Variants in GEMIN5 observed in about 807,000 individuals in gnomAD.
GEMIN5 encodes gem nuclear organelle associated protein 5.
GEMIN5 carries 124 observed loss-of-function variants against 176.9 expected under a neutral mutation model. That is an observed-to-expected ratio of 0.70 (90% CI 0.61 to 0.81). GEMIN5 has a LOEUF of 0.81. Ranked by LOEUF, GEMIN5 falls within the 40% of genes least tolerant of loss-of-function variation. GEMIN5 has a pLI of 0.00. For missense variants in GEMIN5, 1,843 were observed against 1,814.6 expected, an observed-to-expected ratio of 1.02 and a Z score of -0.28; for synonymous variants, 673 against 665.2, an observed-to-expected ratio of 1.01 and a Z score of -0.18.
At chr5:154,915,256 G>C (rs148050510) in intron 13 of GEMIN5, among the ~76,000 whole-genome samples, 1,693 of 152,186 alleles carry the variant, frequency 0.011, 22 homozygotes, top group South Asian at 0.036. Flanking sequence ...TTACACATAG[G>C]ATTCTTAGAA....
rs868028669 is a variant in GEMIN5, at chr5:154,888,240, G to GT, written c.4496dup (p.Tyr1499Ter). Residue 1499 changes from tyrosine to a stop codon, truncating the protein, a stop_gained and frameshift_variant, in exon 28 of 28, where the codon TAC (tyrosine) becomes TAAC (stop). Coordinates refer to ENST00000285873, the MANE Select transcript of GEMIN5 (RefSeq NM_015465.5). LOFTEE classifies it high-confidence loss of function. ...LLQKYGNTKTYRRHCQTFCM is the reference protein window; with the variant it reads ...LLQKYGNTKT Reference sequence around the variant, plus strand: ...TACAGAAGGTCTGGCAGTGTCTTCTGTAAGTTTTCGTGTTGCCGTATTTCT... The same window carrying GT: ...TACAGAAGGTCTGGCAGTGTCTTCTGTTAAGTTTTCGTGTTGCCGTATTTCT... The GT allele has an allele frequency of 8.7e-6, 14 of 1,614,186 alleles. No homozygotes were observed. Among genetic ancestry groups the GT allele is most frequent in the African/African-American group, 5.3e-5 (4 of 75,052 alleles).
Position 154,898,585 on chromosome 5 carries a change from G to A in GEMIN5, c.3200C>T (p.Ser1067Leu), listed in dbSNP as rs759365123. ...AGCCAACTCTGCAGCCGTTCTAAGT[G>A]ATGCCGCATCCCCCTTTTTGGCCAA... ...KVLAKKGDAA[S>L]LRTAAELAAI... Residue 1067 changes from serine (S) to leucine (L), a missense_variant, in exon 23 of 28, where the codon TCA (serine) becomes TTA (leucine). By Grantham distance (145) the Ser-to-Leu change is moderately radical. Coordinates refer to ENST00000285873, the MANE Select transcript of GEMIN5 (RefSeq NM_015465.5). 25 of 1,614,188 alleles carry A rather than the reference G, an allele frequency of 1.5e-5. No homozygotes were observed. Among genetic ancestry groups the A allele is most frequent in the Non-Finnish European group, 2.1e-5 (25 of 1,180,020 alleles).
intron 8 of GEMIN5, 107 bp downstream of exon 8, chr5:154,925,755 C>A: frequency 4.6e-6 from 3 of 651,980 alleles, no homozygotes; most frequent in Non-Finnish European, 8.1e-6. Context: ...ATTGAAAATA[C>A]TTTAAAACTT....
rs1763218043 is a variant in GEMIN5 at position 154,891,226 on chromosome 5, T to C, written c.4262+15A>G. 6.2e-7 allele frequency: 1 copy of C among 1,604,280 alleles called. No individual in the cohort carries two copies. Among genetic ancestry groups the C allele is most frequent in the Non-Finnish European group, 8.5e-7 (1 of 1,173,826 alleles). Reference sequence around the variant, plus strand: ...GTCATTTTTCATTCCGTCTTGTACTTGCCTCAGTACTTACCACTGGCTCTG... The same window carrying C: ...GTCATTTTTCATTCCGTCTTGTACTCGCCTCAGTACTTACCACTGGCTCTG... On this transcript the variant is annotated intron_variant, in intron 26 of 27. Coordinates refer to ENST00000285873, the MANE Select transcript of GEMIN5 (RefSeq NM_015465.5).
At chr5:154,920,896 G>A (rs1763908059) in intron 10 of GEMIN5, among the ~76,000 whole-genome samples, 1 of 152,170 alleles carries the variant, frequency 6.6e-6, no homozygotes. Context: ...GAAAGGAGCA[G>A]AATGCTGAAT....
At chr5:154,926,916 G>A (rs1248455186) in intron 7 of GEMIN5, among the ~76,000 whole-genome samples, 1 of 152,178 alleles carries the variant, frequency 6.6e-6, no homozygotes, top group African/African-American at 2.4e-5. Context: ...GGGCGTAGGT[G>A]ATACACGCCT....
In GEMIN5 at chr5:154,891,055, C is replaced by CTTTT. The variant is rs548747613; in HGVS notation, c.4262+182_4262+185dup. Among the ~76,000 whole-genome samples, 787 of 93,892 alleles carry CTTTT rather than the reference C, an allele frequency of 8.4e-3. 3 individuals are homozygous for CTTTT. Among genetic ancestry groups the CTTTT allele is most frequent in the Non-Finnish European group, 9.3e-3 (497 of 53,564 alleles). 61.6% of individuals were successfully genotyped at this position (93,892 alleles called of 152,430 possible). On this transcript the variant is annotated intron_variant, in intron 26 of 27. Coordinates refer to ENST00000285873, the MANE Select transcript of GEMIN5 (RefSeq NM_015465.5). ...ACAAGCGTGATCCACTGTGCCCGGGCTTTTTTTTTTTTTTTTTTTTTGTAG... is the reference window on the plus strand; with the variant it reads ...ACAAGCGTGATCCACTGTGCCCGGGCTTTTTTTTTTTTTTTTTTTTTTTTTGTAG...
rs767564162 is a variant in GEMIN5 at position 154,891,243 on chromosome 5, C to T, written c.4260G>A (p.Gln1420=). The change falls in exon 26 of 28, where the codon CAG becomes CAA. Residue 1420 remains glutamine, a splice_region_variant and synonymous_variant. Transcript: ENST00000285873. ...CTTGTACTTGCCTCAGTACTTACCA[C>T]TGGCTCTGAGAACTGCAGAGGGGCT... is the stretch of plus-strand genomic sequence containing the variant. ...AEQPLCSSQS[Q]CKEEKNEPLS... 1 of 1,612,220 alleles carries T rather than the reference C, an allele frequency of 6.2e-7. No homozygotes were observed. The highest frequency in any genetic ancestry group is 8.5e-7 in the Non-Finnish European group (1 of 1,178,840).
chr5:154,903,814 GA>G (rs1005548145), intron 18 of GEMIN5, among the ~76,000 whole-genome samples: 2 of 149,076 alleles, frequency 1.3e-5, no homozygotes. Context: ...GATTTACTTT[GA>G]AAAAAAAATT....
chr5:154,921,272 C>A, intron 10 of GEMIN5, 71 bp downstream of exon 10: 1 of 808,944 alleles, frequency 1.2e-6, no homozygotes, highest in Non-Finnish European at 2.2e-6. Flanking sequence ...CTCTTTCCAT[C>A]TTTAATATTT....
rs1763172507 is a variant in GEMIN5, at chr5:154,889,218, T to C, written c.4359+103A>G. On this transcript the variant is annotated intron_variant, in intron 27 of 27. Transcript: ENST00000285873. Reference sequence around the variant, plus strand: ...AGCACATATGAATGGGTAGAGATTTTAGAAACTGAACAGAGAGGTAGCTGA... The same window carrying C: ...AGCACATATGAATGGGTAGAGATTTCAGAAACTGAACAGAGAGGTAGCTGA... 6 of 680,414 alleles carry C rather than the reference T, an allele frequency of 8.8e-6. No individual in the cohort carries two copies. In the South Asian group the frequency reaches 1.0e-4, roughly 12 times the overall value. 42.1% of individuals were successfully genotyped at this position (680,414 alleles called of 1,614,324 possible).
At position 154,938,120 on chromosome 5, in the gene GEMIN5, G is replaced by A; in HGVS notation, c.14C>T (p.Pro5Leu). The A allele has an allele frequency of 7.1e-7, 1 of 1,401,486 alleles. No individual in the cohort carries two copies. Among genetic ancestry groups the A allele is most frequent in the African/African-American group, 1.5e-5 (1 of 66,994 alleles). 86.8% of individuals were successfully genotyped at this position (1,401,486 alleles called of 1,614,324 possible). The change falls in exon 1 of 28, where the codon CCG (proline) becomes CTG (leucine). Residue 5 changes from proline (P) to leucine (L), a missense_variant. Pro to Leu is a moderately conservative substitution (Grantham distance 98, BLOSUM62 -3). Transcript: ENST00000285873. ...GTTGGGGGAGGGCGGCAGCGTCCGC[G>A]GCTCCTGCCCCATAACTACAAGCCG... Reference protein sequence around the residue: MGQEPRTLPPSPNWY... With the variant: MGQELRTLPPSPNWY...
chr5:154,936,945 C>A, intron 2 of GEMIN5, 80 bp downstream of exon 2: 1 of 1,080,822 alleles, frequency 9.3e-7, no homozygotes, highest in Non-Finnish European at 1.3e-6. Flanking sequence ...CACAGATGAG[C>A]TAGCAAAACT....
rs1245159187 is a variant in GEMIN5, at chr5:154,924,530, C to G, written c.1318G>C (p.Gly440Arg). ...TALCWHPTKE[G>R]CLAFGTDDGK... ...TCATCAGTTCCAAAAGCTAAGCAAC[C>G]TTCCTTGGTTGGGTGCCAGCACAGC... The change falls in exon 9 of 28, where the codon GGT (glycine) becomes CGT (arginine). Residue 440 changes from glycine (G) to arginine (R), a missense_variant. Gly to Arg is a moderately radical substitution (Grantham distance 125, BLOSUM62 -2). Transcript: ENST00000285873. 3 of 1,612,406 alleles carry G rather than the reference C, an allele frequency of 1.9e-6. No homozygotes were observed. In the South Asian group the frequency reaches 3.3e-5, roughly 18 times the overall value.
At chr5:154,910,698 T>C (rs569296847) in intron 15 of GEMIN5, among the ~76,000 whole-genome samples, 1 of 152,328 alleles carries the variant, frequency 6.6e-6, no homozygotes, top group African/African-American at 2.4e-5. Context: ...TTCCTCTTAC[T>C]TTCTCTTTTT....
chr5:154,904,978 A>T (rs976505526), intron 17 of GEMIN5, among the ~76,000 whole-genome samples: 1 of 152,208 alleles, frequency 6.6e-6, no homozygotes, highest in Non-Finnish European at 1.5e-5. Context: ...GGATCACTGG[A>T]GGCCAGCAGT....
intron 21 of GEMIN5, among the ~76,000 whole-genome samples, chr5:154,900,249 C>T (rs1763436327): frequency 1.3e-5 from 2 of 152,044 alleles, no homozygotes. Context: ...ACTCAGTAAA[C>T]AAATATTTTT....
At chr5:154,932,372 G>A (rs1167951757) in intron 3 of GEMIN5, 122 bp from the exon 4 acceptor site, 26 of 687,328 alleles carry the variant, frequency 3.8e-5, no homozygotes, top group South Asian at 3.5e-4. Flanking sequence ...TTGGGGTGGC[G>A]GAGGAGGGAA....
Position 154,888,327 on chromosome 5 carries a change from G to C in GEMIN5, c.4410C>G (p.Ile1470Met). The change falls in exon 28 of 28, where the codon ATC becomes ATG. Residue 1470 changes from isoleucine (I) to methionine (M), a missense_variant. Ile to Met is a conservative substitution (Grantham distance 10). Transcript: ENST00000285873. ...VLECCLVLLL[I>M]RSHFPGCLAQ... ...CCAGACAGCCAGGAAAGTGGGACCT[G>C]ATGAGAAGCAGGACGAGGCAGCACT... The C allele has an allele frequency of 6.2e-7, 1 of 1,614,164 alleles. No individual in the cohort carries two copies. Among genetic ancestry groups the C allele is most frequent in the South Asian group, 1.1e-5 (1 of 91,082 alleles).
Sources: gnomAD v4.1 joint callset for allele counts (sites outside exome capture counted in the v4.1 genomes callset) on GRCh38, gnomAD v4.1.1 for gene constraint, MANE v1.5 for transcripts, NCBI Gene and HGNC (gene_info 2026-07-23, HGNC 2026-07-21) for gene names.